ISCU: variants seen among roughly 807,000 people sequenced by gnomAD.
The protein encoded by ISCU is iron-sulfur cluster assembly enzyme.
Under a neutral mutation model 18.4 loss-of-function variants are expected in ISCU, and 13 were observed. That is an observed-to-expected ratio of 0.71 (90% CI 0.46 to 1.12). ISCU has a LOEUF of 1.12. ISCU is among the 50% of genes most tolerant of loss of function. The probability of loss-of-function intolerance (pLI) is 0.00; values close to 1 mark genes in which losing one functional copy is unlikely to be tolerated. For synonymous variants in ISCU, 104 were observed against 87.5 expected, an observed-to-expected ratio of 1.19 and a Z score of -1.06; for missense variants, 229 against 208.7, an observed-to-expected ratio of 1.10 and a Z score of -0.60.
intron 3 of ISCU, 43 bp from the exon 4 acceptor site, chr12:108,567,147 A>ACT (rs749924130): frequency 2.1e-6 from 3 of 1,419,706 alleles, no homozygotes; most frequent in Non-Finnish European, 3.0e-6. Context: ...CTCACAAGAT[A>ACT]AAGTGTTGCT....
intron 3 of ISCU, among the ~76,000 whole-genome samples, chr12:108,566,364 T>C (rs2030896218): frequency 6.6e-6 from 1 of 152,234 alleles, no homozygotes; most frequent in African/African-American, 2.4e-5. Context: ...GCACTTTTGC[T>C]CCCAGAACCT....
chr12:108,564,016 C>G, intron 1 of ISCU: 1 of 1,298,746 alleles, frequency 7.7e-7, no homozygotes, highest in African/African-American at 1.5e-5. Flanking sequence ...TGTAAAAATC[C>G]TATGGAACTA....
At chr12:108,567,389 AGTCT>A in intron 4 of ISCU, 121 bp downstream of exon 4, 3 of 858,378 alleles carry the variant, frequency 3.5e-6, no homozygotes, top group Non-Finnish European at 3.9e-6. Context: ...AGAGCTCATG[AGTCT>A]GTCCTTATAA....
chr12:108,561,727 A>G (rs1398627474), upstream of ISCU, among the ~76,000 whole-genome samples: 4 of 152,238 alleles, frequency 2.6e-5, no homozygotes, highest in South Asian at 2.1e-4. Context: ...ATAAGATCAC[A>G]TACTGCAAAC....
At chr12:108,568,218 T>C (rs2030990537) in intron 4 of ISCU, 4 of 1,246,770 alleles carry the variant, frequency 3.2e-6, no homozygotes, top group Middle Eastern at 3.2e-4. Context: ...CTGAAACCTT[T>C]AGCTGATGTT....
Position 108,568,969 on chromosome 12 carries a change from T to C in ISCU, c.*53T>C. On this transcript the variant is annotated 3_prime_UTR_variant, in exon 5 of 5. Coordinates refer to ENST00000311893, the MANE Select transcript of ISCU (RefSeq NM_213595.4). Reference sequence around the variant, plus strand: ...GCCACACCAGCTGTTTCCCACCTGCTGTGCAGTCACCTTAGATGTTCAGAA... The same window carrying C: ...GCCACACCAGCTGTTTCCCACCTGCCGTGCAGTCACCTTAGATGTTCAGAA... 2 of 1,478,626 alleles carry C rather than the reference T, an allele frequency of 1.4e-6. No homozygotes were observed. The highest frequency in any genetic ancestry group is 1.4e-5 in the African/African-American group (1 of 72,524). The allele number at this position is 1,478,626 out of a possible 1,614,324, so 91.6% of individuals were successfully genotyped here.
upstream of ISCU, chr12:108,562,570 C>A: frequency 1.9e-6 from 2 of 1,073,352 alleles, no homozygotes; most frequent in East Asian, 3.2e-5. Flanking sequence ...GACTCGCAGA[C>A]GCGCCCCGCC....
chr12:108,567,458 C>T, intron 4 of ISCU, 190 bp downstream of exon 4: 1 of 722,986 alleles, frequency 1.4e-6, no homozygotes. Flanking sequence ...GAGAATCATG[C>T]CAGAAGGAGG....
intron 4 of ISCU, 24 bp downstream of exon 4, chr12:108,567,292 G>A (rs2030945891): frequency 6.3e-7 from 1 of 1,580,548 alleles, no homozygotes; most frequent in African/African-American, 1.3e-5. Flanking sequence ...CTCCATACCA[G>A]TCAGCTGGGA....
intron 1 of ISCU, 159 bp from the exon 2 acceptor site, chr12:108,564,120 G>T (rs2030768706): frequency 6.2e-7 from 1 of 1,613,404 alleles, no homozygotes; most frequent in Non-Finnish European, 8.5e-7. Context: ...GTCACAAATG[G>T]TTCTCATTGA....
At position 108,568,849 on chromosome 12, in the gene ISCU, T is replaced by G. The variant is rs1420515354; in HGVS notation, c.437T>G (p.Ile146Ser). ...CTTCCAGTGCTGGCTGAAGATGCAA[T>G]CAAGGCCGCCCTGGCTGATTACAAA... is the stretch of plus-strand genomic sequence containing the variant. ...LHCSMLAEDA[I>S]KAALADYKLK... Residue 146 changes from isoleucine (I) to serine (S), a missense_variant, in exon 5 of 5, where the codon ATC (isoleucine) becomes AGC (serine). Coordinates refer to ENST00000311893, the MANE Select transcript of ISCU (RefSeq NM_213595.4). 1 of 1,613,488 alleles carries G rather than the reference T, an allele frequency of 6.2e-7. No individual in the cohort carries two copies. The highest frequency in any genetic ancestry group is 1.7e-5 in the Admixed American group (1 of 59,912).
rs768035762 is a variant in ISCU, at chr12:108,562,633, C to G, written c.11C>G (p.Ala4Gly). The G allele has an allele frequency of 1.1e-5, 16 of 1,475,280 alleles. No individual in the cohort carries two copies. Among genetic ancestry groups the G allele is most frequent in the Non-Finnish European group, 1.4e-5 (16 of 1,120,200 alleles). The allele number at this position is 1,475,280 out of a possible 1,614,324, so 91.4% of individuals were successfully genotyped here. Residue 4 changes from alanine (A) to glycine (G), a missense_variant, in exon 1 of 5, where the codon GCT becomes GGT. Coordinates refer to ENST00000311893, the MANE Select transcript of ISCU (RefSeq NM_213595.4). ...GCGCAAGCCGGCAAGATGGCGGCGG[C>G]TGGGGCTTTCCGTCTGAGGCGGGCG... MAA[A>G]GAFRLRRAAS...
At chr12:108,565,257 C>A in intron 2 of ISCU, 64 bp from the exon 3 acceptor site, 3 of 1,209,048 alleles carry the variant, frequency 2.5e-6, no homozygotes, top group Non-Finnish European at 3.7e-6. Flanking sequence ...GGTGAACCTT[C>A]GTGAGTGCCA....
At chr12:108,564,182 T>TG in intron 1 of ISCU, 97 bp from the exon 2 acceptor site, 1 of 1,583,382 alleles carries the variant, frequency 6.3e-7, no homozygotes, top group Non-Finnish European at 8.7e-7. Context: ...AGTGATTGCC[T>TG]GCCAGGTTCA....
chr12:108,562,684 C>G lies in ISCU; in HGVS notation c.62C>G (p.Pro21Arg). ...GCATCGGCTCTGCTGCTGCGGAGCC[C>G]CCGCCTGCCCGCCCGGGAGCTGTCG... Reference protein sequence around the residue: ...RAASALLLRSPRLPARELSAP... With the variant: ...RAASALLLRSRRLPARELSAP... The change falls in exon 1 of 5, where the codon CCC becomes CGC. Residue 21 changes from proline to arginine, a missense_variant. Physicochemically the swap from Pro to Arg is moderately radical, Grantham distance 103. Transcript: ENST00000311893. The G allele has an allele frequency of 2.0e-6, 3 of 1,476,708 alleles. No individual in the cohort carries two copies. The highest frequency in any genetic ancestry group is 1.8e-4 in the Middle Eastern group (1 of 5,586). The allele number at this position is 1,476,708 out of a possible 1,614,324, so 91.5% of individuals were successfully genotyped here. A position where few individuals can be genotyped will look rare whatever the true frequency, so the allele number is the denominator to read the frequency against.
chr12:108,567,137 C>A, intron 3 of ISCU, 53 bp from the exon 4 acceptor site: 1 of 1,353,890 alleles, frequency 7.4e-7, no homozygotes, highest in Non-Finnish European at 1.1e-6. Flanking sequence ...TTGGCTGGCC[C>A]TCACAAGATA....
Position 108,564,308 on chromosome 12 carries a change from CGTG to C in ISCU, c.146_148del (p.Val49del). 6.2e-7 allele frequency: 1 copy of C among 1,614,002 alleles called. No homozygotes were observed. The highest frequency in any genetic ancestry group is 8.5e-7 in the Non-Finnish European group (1 of 1,179,862). On this transcript the variant is annotated inframe_deletion, in exon 2 of 5. Coordinates refer to ENST00000311893, the MANE Select transcript of ISCU (RefSeq NM_213595.4). ...TTGATCATTATGAAAATCCTAGAAA[CGTG>C]GGGTCCCTTGACAAGACATCTAAAA...
chr12:108,562,263 C>A (rs2136707709), upstream of ISCU, among the ~76,000 whole-genome samples: 1 of 152,340 alleles, frequency 6.6e-6, no homozygotes, highest in South Asian at 2.1e-4. Flanking sequence ...GCTTCCTTAG[C>A]TGCAAAATAG....
At chr12:108,564,040 C>T in intron 1 of ISCU, 3 of 1,494,246 alleles carry the variant, frequency 2.0e-6, no homozygotes, top group Non-Finnish European at 2.8e-6. Flanking sequence ...CATGATTTCA[C>T]TGATTTTTTT....
Sources: gnomAD v4.1 joint callset for allele counts (sites outside exome capture counted in the v4.1 genomes callset) on GRCh38, gnomAD v4.1.1 for gene constraint, MANE v1.5 for transcripts, NCBI Gene and HGNC (gene_info 2026-07-23, HGNC 2026-07-21) for gene names.